PITPNC1: variants seen among roughly 807,000 people sequenced by gnomAD.
PITPNC1 encodes phosphatidylinositol transfer protein cytoplasmic 1.
Under a neutral mutation model 44.7 loss-of-function variants are expected in PITPNC1, and 18 were observed. That is an observed-to-expected ratio of 0.40 (90% CI 0.28 to 0.60). The LOEUF (loss-of-function observed/expected upper bound fraction) is 0.60. Among genes scored for constraint, PITPNC1 ranks in the 20% least tolerant of loss-of-function variants. PITPNC1 has a pLI of 0.39. For missense variants in PITPNC1, 290 were observed against 418.4 expected (o/e 0.69, Z 2.68); for synonymous variants, 141 against 149.6 (o/e 0.94, Z 0.42).
intron 6 of PITPNC1, among the ~76,000 whole-genome samples, chr17:67,651,333 C>T (rs1181161002): frequency 1.3e-5 from 2 of 151,920 alleles, no homozygotes; most frequent in South Asian, 4.2e-4. Flanking sequence ...GCCAACATGG[C>T]GAAACCCCAT....
chr17:67,621,180 C>CATTTTATTTTATT (rs2041824303), intron 5 of PITPNC1, among the ~76,000 whole-genome samples: 1 of 129,774 alleles, frequency 7.7e-6, no homozygotes, highest in Non-Finnish European at 1.6e-5. Context: ...GTCTGAAGCA[C>CATTTTATTTTATT]ATTTTATTTT....
chr17:67,590,749 G>A (rs1158275736), intron 5 of PITPNC1, among the ~76,000 whole-genome samples: 1 of 152,018 alleles, frequency 6.6e-6, no homozygotes, highest in East Asian at 1.9e-4. Flanking sequence ...GATCACCTGA[G>A]GTCAGGAGTT....
At chr17:67,517,904 A>T (rs2040278377) in intron 1 of PITPNC1, among the ~76,000 whole-genome samples, 2 of 152,224 alleles carry the variant, frequency 1.3e-5, no homozygotes, top group African/African-American at 4.8e-5. Context: ...TATGGGAAAC[A>T]TCTATATGCT....
chr17:67,664,904 C>CAAA (rs541838718), intron 6 of PITPNC1, among the ~76,000 whole-genome samples: 6 of 91,596 alleles, frequency 6.6e-5, no homozygotes, highest in Middle Eastern at 6.9e-3. Context: ...GACTCCATCT[C>CAAA]AAAAAAAAAA....
At chr17:67,511,067 G>A (rs879271301) in intron 1 of PITPNC1, among the ~76,000 whole-genome samples, 9 of 151,792 alleles carry the variant, frequency 5.9e-5, no homozygotes, top group Admixed American at 2.0e-4. Context: ...ATGAGTACAC[G>A]CGTTTGCATT....
At chr17:67,489,998 A>G (rs565544931) in intron 1 of PITPNC1, among the ~76,000 whole-genome samples, 20 of 152,240 alleles carry the variant, frequency 1.3e-4, no homozygotes, top group African/African-American at 4.6e-4. Context: ...CGGTCTCCCA[A>G]AATGCTGGGA....
intron 1 of PITPNC1, among the ~76,000 whole-genome samples, chr17:67,433,063 C>G (rs1288490357): frequency 6.6e-6 from 1 of 152,138 alleles, no homozygotes; most frequent in African/African-American, 2.4e-5. Context: ...TGGCGGAAGA[C>G]CCTTGAGGAG....
chr17:67,464,196 TA>T (rs75020823), intron 1 of PITPNC1, among the ~76,000 whole-genome samples: 4,350 of 129,068 alleles, frequency 0.034, 153 homozygotes, highest in African/African-American at 0.11. Flanking sequence ...CCATCTCAAT[TA>T]AAAAAAAAAA....
chr17:67,430,970 A>G (rs1598653091), intron 1 of PITPNC1, among the ~76,000 whole-genome samples: 1 of 151,698 alleles, frequency 6.6e-6, no homozygotes, highest in South Asian at 2.1e-4. Flanking sequence ...ACCAAACCAC[A>G]CAACAACTTG....
At chr17:67,511,776 TG>T (rs1292443326) in intron 1 of PITPNC1, among the ~76,000 whole-genome samples, 1 of 152,234 alleles carries the variant, frequency 6.6e-6, no homozygotes, top group African/African-American at 2.4e-5. Context: ...CCCAAAGTGC[TG>T]GGATTACAGG....
chr17:67,476,946 C>A (rs1426994667), intron 1 of PITPNC1, among the ~76,000 whole-genome samples: 1 of 152,198 alleles, frequency 6.6e-6, no homozygotes, highest in Non-Finnish European at 1.5e-5. Context: ...AGGCCCCACC[C>A]CAGACCCTCT....
chr17:67,641,441 A>C (rs2042091393), intron 6 of PITPNC1, among the ~76,000 whole-genome samples: 1 of 152,188 alleles, frequency 6.6e-6, no homozygotes, highest in Non-Finnish European at 1.5e-5. Flanking sequence ...CACTAACCAC[A>C]TAAGCTTGCC....
At chr17:67,573,899 A>G (rs957950662) in intron 4 of PITPNC1, among the ~76,000 whole-genome samples, 2 of 152,176 alleles carry the variant, frequency 1.3e-5, no homozygotes, top group African/African-American at 4.8e-5. Context: ...ATGAAGACAG[A>G]AAGAGATACG....
At chr17:67,486,959 G>A (rs933154219) in intron 1 of PITPNC1, among the ~76,000 whole-genome samples, 5 of 151,948 alleles carry the variant, frequency 3.3e-5, no homozygotes, top group Admixed American at 3.3e-4. Context: ...CTTGAACCTG[G>A]GAGGCGGAGG....
Position 67,669,670 on chromosome 17 carries a change from G to A in PITPNC1, c.618+7G>A, listed in dbSNP as rs769651650. On this transcript the variant is annotated splice_region_variant and intron_variant, in intron 7 of 8. Transcript: ENST00000581322. ...GGAACAATTTGTACACAAGGTAAGT[G>A]GTCCAACAGCAGTTCCTGGGCTGTG... 25 of 1,581,042 alleles carry A rather than the reference G, an allele frequency of 1.6e-5. No homozygotes were observed. In the African/African-American group the frequency reaches 2.4e-4, roughly 15 times the overall value.
At chr17:67,530,579 G>T (rs1331942620) in intron 1 of PITPNC1, among the ~76,000 whole-genome samples, 1 of 152,110 alleles carries the variant, frequency 6.6e-6, no homozygotes, top group Non-Finnish European at 1.5e-5. Context: ...TCACATTCTG[G>T]GTTACTAGGG....
intron 5 of PITPNC1, among the ~76,000 whole-genome samples, chr17:67,582,072 G>A (rs893794812): frequency 3.9e-5 from 6 of 152,120 alleles, no homozygotes; most frequent in Non-Finnish European, 7.4e-5. Context: ...GGCTGCATCC[G>A]TTTCCATTCA....
chr17:67,569,057 C>G (rs1429094901), intron 4 of PITPNC1, among the ~76,000 whole-genome samples: 3 of 151,920 alleles, frequency 2.0e-5, no homozygotes, highest in African/African-American at 7.3e-5. Flanking sequence ...CCAGGGCCCC[C>G]ATTCACTGCA....
At chr17:67,578,067 C>A in intron 4 of PITPNC1, 119 bp from the exon 5 acceptor site, 1 of 734,710 alleles carries the variant, frequency 1.4e-6, no homozygotes. Context: ...AGTATCTTAA[C>A]ATTTCTGTTC....
Sources: allele counts gnomAD v4.1 joint callset (sites outside exome capture counted in the v4.1 genomes callset), GRCh38; gene constraint gnomAD v4.1.1; transcripts MANE v1.5; gene names NCBI Gene and HGNC (gene_info 2026-07-23, HGNC 2026-07-21).